Variants in ILDR2 observed in about 807,000 individuals in gnomAD.
The protein encoded by ILDR2 is immunoglobulin-like domain-containing receptor 2.
A neutral mutation model predicts 66.8 loss-of-function variants in ILDR2; 25 were observed. The observed-to-expected ratio is 0.37, with a 90% CI of 0.27 to 0.52. The LOEUF is 0.52. ILDR2 is among the 20% of genes least tolerant of loss of function. The probability of loss-of-function intolerance (pLI) is 0.88; values close to 1 mark genes in which losing one functional copy is unlikely to be tolerated. For missense variants in ILDR2, 827 were observed against 876.8 expected, an observed-to-expected ratio of 0.94 and a Z score of 0.72; for synonymous variants, 367 against 357.2, an observed-to-expected ratio of 1.03 and a Z score of -0.31.
chr1:166,935,682 C>T lies in ILDR2; in HGVS notation c.704-205G>A, dbSNP rs75055209. 6.5e-3 allele frequency among the ~76,000 whole-genome samples: 985 copies of T among 152,238 alleles called. 5 individuals are homozygous for T. Among genetic ancestry groups the T allele is most frequent in the Non-Finnish European group, 0.011 (734 of 68,008 alleles). ...ACTCTCCAGCTCCACCAAACGGCAA[C>T]GACAAAAGGAATTACAATGTTTAGT... On this transcript the variant is annotated intron_variant, in intron 5 of 9. Coordinates refer to ENST00000271417, the MANE Select transcript of ILDR2 (RefSeq NM_199351.3).
chr1:166,952,391 T>C (rs1490707828), intron 3 of ILDR2, among the ~76,000 whole-genome samples: 8 of 152,220 alleles, frequency 5.3e-5, no homozygotes, highest in African/African-American at 1.9e-4. Flanking sequence ...ACCAAAACAC[T>C]ATGCATTTCC....
At chr1:166,928,969 A>G (rs2101881504) in intron 6 of ILDR2, among the ~76,000 whole-genome samples, 1 of 152,378 alleles carries the variant, frequency 6.6e-6, no homozygotes, top group East Asian at 1.9e-4. Context: ...ATCTCTACAA[A>G]GGCATTTACT....
rs1269773732 is a variant in ILDR2, at chr1:166,935,426, C to A, written c.755G>T (p.Gly252Val). ...AKAGYPPSVS[G>V]VPGPYSIPSV... ...GGGGATGGAGTAAGGGCCGGGGACA[C>A]CGGAGACAGAGGGAGGGTACCCGGC... Residue 252 changes from glycine (G) to valine (V), a missense_variant, in exon 6 of 10, where the codon GGT becomes GTT. This residue lies in a region of ILDR2 where 437 missense variants were observed against 523.2 expected (regional missense o/e 0.84). Transcript: ENST00000271417. 6.2e-7 allele frequency: 1 copy of A among 1,612,580 alleles called. No homozygotes were observed. The highest frequency in any genetic ancestry group is 2.2e-5 in the East Asian group (1 of 44,838).
downstream of ILDR2, among the ~76,000 whole-genome samples, chr1:166,906,223 G>A (rs1358967578): frequency 6.6e-6 from 1 of 152,116 alleles, no homozygotes; most frequent in Non-Finnish European, 1.5e-5. Context: ...TGGTATGAAG[G>A]ATACCAAGAA....
intron 1 of ILDR2, among the ~76,000 whole-genome samples, chr1:166,960,894 A>G (rs1274806518): frequency 1.3e-5 from 2 of 152,152 alleles, no homozygotes; most frequent in African/African-American, 2.4e-5. Flanking sequence ...TAACCTTGTA[A>G]TTATTCTTCA....
At chr1:166,899,909 G>A (rs920516406) in intron 2 of ILDR2, among the ~76,000 whole-genome samples, 1 of 152,178 alleles carries the variant, frequency 6.6e-6, no homozygotes, top group Non-Finnish European at 1.5e-5. Context: ...ACAATGCAAG[G>A]ATTGGCTCTA....
At chr1:166,903,647 A>C (rs141321393), downstream of ILDR2, among the ~76,000 whole-genome samples, 1 of 152,318 alleles carries the variant, frequency 6.6e-6, no homozygotes, top group East Asian at 1.9e-4. Context: ...CATCTTTATA[A>C]TGGCCTTCTC....
At chr1:166,903,679 G>A (rs573779369), downstream of ILDR2, among the ~76,000 whole-genome samples, 2 of 152,284 alleles carry the variant, frequency 1.3e-5, no homozygotes, top group South Asian at 4.1e-4. Flanking sequence ...TCTAGGTGAT[G>A]TTGGGGGCCC....
Position 166,914,736 on chromosome 1 carries a change from A to G in ILDR2, c.*4619T>C, listed in dbSNP as rs1659577962. 1 of 152,234 alleles carries G rather than the reference A, an allele frequency of 6.6e-6. No individual in the cohort carries two copies. The highest frequency in any genetic ancestry group is 2.4e-5 in the African/African-American group (1 of 41,468). 9.4% of individuals were successfully genotyped at this position (152,234 alleles called of 1,614,324 possible). On this transcript the variant is annotated 3_prime_UTR_variant, in exon 10 of 10. Coordinates refer to ENST00000271417, the MANE Select transcript of ILDR2 (RefSeq NM_199351.3). ...ATTCCCCAGATGACTAGGGGGTAGG[A>G]TAATGGCAGAAAAAAGCGAGGCACT...
intron 6 of ILDR2, among the ~76,000 whole-genome samples, chr1:166,927,602 G>A (rs1269546572): frequency 6.6e-6 from 1 of 152,208 alleles, no homozygotes; most frequent in East Asian, 1.9e-4. Context: ...CTTTGTGAGA[G>A]CACAGGTAAC....
chr1:166,947,688 C>T (rs1171428891), intron 3 of ILDR2, among the ~76,000 whole-genome samples: 1 of 152,194 alleles, frequency 6.6e-6, no homozygotes, highest in Non-Finnish European at 1.5e-5. Context: ...CTCGGGCCGG[C>T]GCGGGTCCAC....
At chr1:166,968,943 A>C (rs1663121139) in intron 1 of ILDR2, among the ~76,000 whole-genome samples, 1 of 152,188 alleles carries the variant, frequency 6.6e-6, no homozygotes, top group South Asian at 2.1e-4. Context: ...TAAGCTATTG[A>C]GATTTGGGCG....
intron 6 of ILDR2, among the ~76,000 whole-genome samples, chr1:166,928,646 G>T (rs1005538276): frequency 6.6e-6 from 1 of 152,070 alleles, no homozygotes; most frequent in Non-Finnish European, 1.5e-5. Context: ...CCCTGGCTGC[G>T]GACAAAACCC....
In ILDR2 at chr1:166,914,413, T is replaced by C. The variant is rs1659566962; in HGVS notation, c.*4942A>G. 6.6e-6 allele frequency: 1 copy of C among 152,234 alleles called. No individual in the cohort carries two copies. Among genetic ancestry groups the C allele is most frequent in the Admixed American group, 6.5e-5 (1 of 15,290 alleles). The allele number at this position is 152,234 out of a possible 1,614,324, so 9.4% of individuals were successfully genotyped here. On this transcript the variant is annotated 3_prime_UTR_variant, in exon 10 of 10. Coordinates refer to ENST00000271417, the MANE Select transcript of ILDR2 (RefSeq NM_199351.3). ...ACAAGACAGTCAGAAGGCCTGGCTT[T>C]ATAATTTTAAAAACCATTTGACTAC...
chr1:166,956,693 G>A (rs1662303866), intron 3 of ILDR2, 40 bp downstream of exon 3: 1 of 1,608,224 alleles, frequency 6.2e-7, no homozygotes, highest in Admixed American at 1.7e-5. Context: ...GCAAGTGCAA[G>A]TGGTCTAAGA....
intron 1 of ILDR2, among the ~76,000 whole-genome samples, chr1:166,959,160 A>G (rs1024958668): frequency 6.6e-6 from 1 of 152,202 alleles, no homozygotes; most frequent in Non-Finnish European, 1.5e-5. Context: ...AACTTTTTGC[A>G]TCTTTTAAAA....
At chr1:166,934,468 T>C (rs1660824779) in intron 6 of ILDR2, among the ~76,000 whole-genome samples, 1 of 152,162 alleles carries the variant, frequency 6.6e-6, no homozygotes, top group African/African-American at 2.4e-5. Context: ...TCTCAACCAC[T>C]TCAACCACAC....
At chr1:166,960,942 G>T (rs911337401) in intron 1 of ILDR2, among the ~76,000 whole-genome samples, 1 of 152,150 alleles carries the variant, frequency 6.6e-6, no homozygotes, top group Non-Finnish European at 1.5e-5. Context: ...ATAAGAATGG[G>T]ACAAGAGAGG....
At chr1:166,952,439 G>A (rs1268605575) in intron 3 of ILDR2, among the ~76,000 whole-genome samples, 1 of 152,180 alleles carries the variant, frequency 6.6e-6, no homozygotes, top group Non-Finnish European at 1.5e-5. Flanking sequence ...TCATCAAAAA[G>A]ACATTAAAGG....
Sources: allele counts gnomAD v4.1 joint callset (sites outside exome capture counted in the v4.1 genomes callset), GRCh38; gene constraint gnomAD v4.1.1; regional missense constraint gnomAD v4.1.1; transcripts MANE v1.5; gene names NCBI Gene and HGNC (gene_info 2026-07-23, HGNC 2026-07-21).